The following TACC2 variants were observed in gnomAD, a reference collection of about 807,000 sequenced individuals.
The protein encoded by TACC2 is transforming acidic coiled-coil containing protein 2, also known as transforming acidic coiled-coil-containing protein 2.
TACC2 carries 137 observed loss-of-function variants against 227.3 expected under a neutral mutation model. That is an observed-to-expected ratio of 0.60 (90% confidence interval 0.52 to 0.69). The LOEUF is 0.69. Ranked by LOEUF, TACC2 falls within the 30% of genes least tolerant of loss-of-function variation. TACC2 has a pLI of 0.00. For missense variants in TACC2, 3,470 were observed against 3,694.4 expected (o/e 0.94, Z 1.57); for synonymous variants, 1,523 against 1,487.5 (o/e 1.02, Z -0.55).
chr10:122,121,388 T>A (rs1379998694), intron 5 of TACC2, among the ~76,000 whole-genome samples: 1 of 152,204 alleles, frequency 6.6e-6, no homozygotes, highest in South Asian at 2.1e-4. Flanking sequence ...CAGATGAGGA[T>A]ACTGAGGCTC....
At chr10:122,132,582 T>G in intron 5 of TACC2, 27 bp from the exon 6 acceptor site, 1 of 1,613,790 alleles carries the variant, frequency 6.2e-7, no homozygotes, top group Non-Finnish European at 8.5e-7. Flanking sequence ...TTTCTGAGTT[T>G]AGGTTCTTTC....
chr10:122,069,154 C>T (rs967085704), intron 3 of TACC2, among the ~76,000 whole-genome samples: 2 of 144,784 alleles, frequency 1.4e-5, no homozygotes, highest in Non-Finnish European at 3.0e-5. Flanking sequence ...TGTTGGGCTC[C>T]ACCTGGAACC....
intron 3 of TACC2, among the ~76,000 whole-genome samples, chr10:122,080,211 C>CTTT (rs111618289): frequency 2.7e-5 from 3 of 113,194 alleles, no homozygotes; most frequent in Admixed American, 9.5e-5. Context: ...TCTTCCTTTC[C>CTTT]TTTTTTTTTT....
Position 122,076,173 on chromosome 10 carries a change from G to T in TACC2, c.147-6474G>T, listed in dbSNP as rs1285225039. 2.0e-5 allele frequency among the ~76,000 whole-genome samples: 3 copies of T among 152,116 alleles called. No individual in the cohort carries two copies. The East Asian group carries it at 5.8e-4, about 29-fold the overall frequency. On this transcript the variant is annotated intron_variant, in intron 3 of 22. Coordinates refer to ENST00000369005, the MANE Select transcript of TACC2 (RefSeq NM_206862.4). ...GCTCCTGGTGAGGGCATTCTTGCTG[G>T]TGGGGCTTCTGTAGAGTTATGAGGT...
chr10:122,008,264 A>ATTATTATTATTATTATTATTATTAT, intron 1 of TACC2, among the ~76,000 whole-genome samples: 1 of 134,662 alleles, frequency 7.4e-6, no homozygotes, highest in East Asian at 2.1e-4. Flanking sequence ...TATTATTATT[A>ATTATTATTATTATTATTATTATTAT]TTTTTTTTTT....
Position 122,082,998 on chromosome 10 carries a change from G to A in TACC2, c.498G>A (p.Glu166=). 6.2e-7 allele frequency: 1 copy of A among 1,612,736 alleles called. No individual in the cohort carries two copies. Among genetic ancestry groups the A allele is most frequent in the Non-Finnish European group, 8.5e-7 (1 of 1,180,020 alleles). The change falls in exon 4 of 23, where the codon GAG becomes GAA. Residue 166 remains glutamate, a synonymous_variant. Coordinates refer to ENST00000369005, the MANE Select transcript of TACC2 (RefSeq NM_206862.4). ...GGGACAGCTCTACTCCATACCAAGA[G>A]ATTGCTGCCGTCCCCAGTGCTGGAA... The part of the protein sequence containing the change: ...AERDSSTPYQ[E]IAAVPSAGRE...
chr10:122,152,243 A>G (rs2092116239), intron 7 of TACC2, among the ~76,000 whole-genome samples: 2 of 152,332 alleles, frequency 1.3e-5, no homozygotes, highest in South Asian at 4.2e-4. Flanking sequence ...TGCAGAAAGA[A>G]TTACAGGGTC....
chr10:122,229,219 T>G (rs2095686986), intron 14 of TACC2, 127 bp from the exon 15 acceptor site: 2 of 1,036,810 alleles, frequency 1.9e-6, no homozygotes, highest in Admixed American at 4.3e-5. Flanking sequence ...TGGCAGCTAA[T>G]TGATACTCTC....
intron 7 of TACC2, among the ~76,000 whole-genome samples, chr10:122,172,654 G>A (rs1243408272): frequency 6.6e-6 from 1 of 152,220 alleles, no homozygotes; most frequent in Non-Finnish European, 1.5e-5. Context: ...GAACTTCCCA[G>A]CTGAGCCTCT....
At position 122,168,559 on chromosome 10, in the gene TACC2, C is replaced by G. The variant is rs58570545; in HGVS notation, c.5834+24853C>G. 9.7e-3 allele frequency among the ~76,000 whole-genome samples: 1,473 copies of G among 152,216 alleles called. 25 individuals carry two copies. The highest frequency in any genetic ancestry group is 0.076 in the East Asian group (394 of 5,162). On this transcript the variant is annotated intron_variant, in intron 7 of 22. Transcript: ENST00000369005. Reference sequence around the variant, plus strand: ...GCCTGGAGGCTTTCTCTTAGGTGGGCTGAAGGCAAATATATTCCGAGGTCC... The same window carrying G: ...GCCTGGAGGCTTTCTCTTAGGTGGGGTGAAGGCAAATATATTCCGAGGTCC...
chr10:122,103,460 A>G (rs540903887), intron 5 of TACC2, among the ~76,000 whole-genome samples: 1 of 152,248 alleles, frequency 6.6e-6, no homozygotes, highest in African/African-American at 2.4e-5. Flanking sequence ...GCAGAGGGCC[A>G]TCTTTGTGAC....
chr10:122,097,594 T>G (rs1275147407), intron 5 of TACC2, among the ~76,000 whole-genome samples: 2 of 149,820 alleles, frequency 1.3e-5, no homozygotes, highest in African/African-American at 5.0e-5. Flanking sequence ...GGAGGAGAAA[T>G]GAGGCTGAGG....
At chr10:122,249,353 A>G (rs944570672) in intron 21 of TACC2, among the ~76,000 whole-genome samples, 191 bp from the exon 22 acceptor site, 19 of 152,236 alleles carry the variant, frequency 1.2e-4, no homozygotes, top group African/African-American at 4.6e-4. Context: ...TGCAATGTCC[A>G]GGGTGCCCCG....
intron 7 of TACC2, among the ~76,000 whole-genome samples, chr10:122,168,310 G>A (rs998393321): frequency 2.0e-5 from 3 of 152,144 alleles, no homozygotes; most frequent in African/African-American, 7.2e-5. Context: ...CTGAGTTCCT[G>A]GACGGAGATT....
At chr10:122,219,109 T>C (rs1261265769) in intron 11 of TACC2, among the ~76,000 whole-genome samples, 2 of 151,866 alleles carry the variant, frequency 1.3e-5, no homozygotes, top group Admixed American at 6.6e-5. Context: ...TGGATCCTTA[T>C]TTCTCTCTGC....
intron 8 of TACC2, among the ~76,000 whole-genome samples, chr10:122,196,933 C>CAAAAAAAAAAAA (rs58473562): frequency 1.3e-5 from 1 of 78,240 alleles, no homozygotes. Context: ...GAGTCCGTCT[C>CAAAAAAAAAAAA]AAAAAAAAAA....
At chr10:122,247,175 C>A (rs1218862675) in intron 19 of TACC2, 1 of 152,332 alleles carries the variant, frequency 6.6e-6, no homozygotes, top group Non-Finnish European at 1.5e-5. Context: ...CTCAGTCTGG[C>A]TGCTGAGTGC....
At chr10:122,214,479 G>T (rs1421514162) in intron 9 of TACC2, among the ~76,000 whole-genome samples, 1 of 152,124 alleles carries the variant, frequency 6.6e-6, no homozygotes, top group Non-Finnish European at 1.5e-5. Flanking sequence ...CTAAGGAGAG[G>T]GATCACCCCC....
At chr10:122,239,027 G>A (rs2095921711) in intron 18 of TACC2, among the ~76,000 whole-genome samples, 1 of 151,992 alleles carries the variant, frequency 6.6e-6, no homozygotes, top group Non-Finnish European at 1.5e-5. Flanking sequence ...TTTTGAGACG[G>A]AGTTTCCCTC....
Sources: gnomAD v4.1 joint callset for allele counts (sites outside exome capture counted in the v4.1 genomes callset) on GRCh38, gnomAD v4.1.1 for gene constraint, MANE v1.5 for transcripts, NCBI Gene and HGNC (gene_info 2026-07-23, HGNC 2026-07-21) for gene names.